The following GRIA4 variants were observed in gnomAD, a reference collection of about 807,000 sequenced individuals.
GRIA4 encodes glutamate ionotropic receptor AMPA type subunit 4, also known as glutamate receptor 4.
A neutral mutation model predicts 104.0 loss-of-function variants in GRIA4; 34 were observed. That is an observed-to-expected ratio of 0.33 (90% CI 0.25 to 0.44). The LOEUF is 0.44. Among genes scored for constraint, GRIA4 ranks in the 20% least tolerant of loss-of-function variants. GRIA4 has a pLI of 1.00. For synonymous variants in GRIA4, 386 were observed against 381.9 expected (o/e 1.01, Z -0.13); for missense variants, 750 against 1,096.5 (o/e 0.68, Z 4.46).
chr11:105,753,216 CAG>C lies in GRIA4; in HGVS notation c.484_485del (p.Arg162GlyfsTer28). The C allele has an allele frequency of 1.2e-6, 2 of 1,613,432 alleles. No individual in the cohort carries two copies. Among genetic ancestry groups the C allele is most frequent in the Non-Finnish European group, 1.7e-6 (2 of 1,179,500 alleles). The stretch of plus-strand genomic sequence containing the variant: ...GTTTTGTCTTCCTGTATGACACAGA[CAG>C]GGGTAAGTCCAGTTTCTTCATCTAT... ...NCFVFLYDTDRGYSILQAIME... is the reference protein window; with the variant it reads ...NCFVFLYDTDXGYSILQAIME... On this transcript the variant is annotated frameshift_variant and splice_region_variant, in exon 4 of 17. Transcript: ENST00000282499. LOFTEE classifies it high-confidence loss of function.
intron 3 of GRIA4, among the ~76,000 whole-genome samples, chr11:105,674,407 T>G (rs533544963): frequency 6.6e-6 from 1 of 151,750 alleles, no homozygotes; most frequent in African/African-American, 2.4e-5. Flanking sequence ...AGCTACTAGA[T>G]GATCTAGAAA....
intron 2 of GRIA4, among the ~76,000 whole-genome samples, chr11:105,612,040 A>G (rs1380094055): frequency 6.6e-6 from 1 of 152,138 alleles, no homozygotes; most frequent in Admixed American, 6.5e-5. Context: ...CATTCACTAA[A>G]TGGTCTCAGA....
intron 14 of GRIA4, among the ~76,000 whole-genome samples, chr11:105,967,847 C>T (rs558764097): frequency 2.0e-5 from 3 of 152,194 alleles, no homozygotes; most frequent in East Asian, 1.9e-4. Flanking sequence ...TAACTTAAAT[C>T]GAAATAAATT....
At chr11:105,889,045 T>C (rs1946373468) in intron 6 of GRIA4, among the ~76,000 whole-genome samples, 1 of 152,164 alleles carries the variant, frequency 6.6e-6, no homozygotes, top group South Asian at 2.1e-4. Flanking sequence ...GAGACTCTAA[T>C]GACTTTTATA....
chr11:105,610,870 C>CTTTTTTTTTTTTT (rs55973528), intron 1 of GRIA4, 38 bp from the exon 2 acceptor site: 4 of 330,396 alleles, frequency 1.2e-5, no homozygotes, highest in African/African-American at 5.3e-5. Flanking sequence ...TCTTTCTTTT[C>CTTTTTTTTTTTTT]TTTTTTTTTT....
intron 3 of GRIA4, among the ~76,000 whole-genome samples, chr11:105,667,378 G>A (rs888093399): frequency 6.6e-6 from 1 of 151,864 alleles, no homozygotes; most frequent in African/African-American, 2.4e-5. Context: ...TCAAAGACGG[G>A]CCTAATCCAT....
chr11:105,922,832 A>C (rs72980103), intron 11 of GRIA4, among the ~76,000 whole-genome samples: 1 of 152,306 alleles, frequency 6.6e-6, no homozygotes, highest in Non-Finnish European at 1.5e-5. Flanking sequence ...ATACTAATAA[A>C]ATAATTAAAA....
intron 3 of GRIA4, among the ~76,000 whole-genome samples, chr11:105,634,481 GA>G (rs953259792): frequency 1.9e-5 from 1 of 54,014 alleles, no homozygotes; most frequent in Non-Finnish European, 4.7e-5. Context: ...AAGAAAGAAA[GA>G]AAGAAAGAAA....
intron 15 of GRIA4, among the ~76,000 whole-genome samples, chr11:105,973,967 TTAATAA>T (rs1191949225): frequency 6.6e-6 from 1 of 152,146 alleles, no homozygotes; most frequent in Non-Finnish European, 1.5e-5. Flanking sequence ...ATTTTCAAAC[TTAATAA>T]TAATAAGCCC....
chr11:105,759,206 C>A (rs1243434652), intron 4 of GRIA4, among the ~76,000 whole-genome samples: 2 of 152,030 alleles, frequency 1.3e-5, no homozygotes, highest in Non-Finnish European at 2.9e-5. Flanking sequence ...AGTAATTCAT[C>A]CTTAAACTCT....
At chr11:105,830,002 C>G (rs1565269180) in intron 4 of GRIA4, among the ~76,000 whole-genome samples, 1 of 151,956 alleles carries the variant, frequency 6.6e-6, no homozygotes, top group Non-Finnish European at 1.5e-5. Flanking sequence ...AAAATCTAAG[C>G]AGTTCATAAA....
chr11:105,857,501 T>C (rs1945049536), intron 4 of GRIA4, among the ~76,000 whole-genome samples: 1 of 152,284 alleles, frequency 6.6e-6, no homozygotes, highest in Non-Finnish European at 1.5e-5. Context: ...ACAGACCTAG[T>C]CTTCTCCTTC....
chr11:105,844,784 T>C (rs1167131101), intron 4 of GRIA4, among the ~76,000 whole-genome samples: 2 of 152,210 alleles, frequency 1.3e-5, no homozygotes, highest in Admixed American at 6.5e-5. Flanking sequence ...TTAGTACTAC[T>C]ACCACTACTG....
intron 13 of GRIA4, among the ~76,000 whole-genome samples, chr11:105,928,547 CAT>C (rs145638576): frequency 0.089 from 13,536 of 151,850 alleles, 778 homozygotes; most frequent in Admixed American, 0.18. Flanking sequence ...TGCTCCCATC[CAT>C]ATAAGTAAGC....
chr11:105,864,428 C>T (rs1389265218), intron 5 of GRIA4, among the ~76,000 whole-genome samples: 2 of 152,064 alleles, frequency 1.3e-5, no homozygotes, highest in East Asian at 1.9e-4. Context: ...TTTCAAAAAA[C>T]CAACCAAAGC....
At chr11:105,886,691 A>G (rs1241749722) in intron 5 of GRIA4, among the ~76,000 whole-genome samples, 2 of 152,128 alleles carry the variant, frequency 1.3e-5, no homozygotes, top group Non-Finnish European at 2.9e-5. Context: ...TGTGGCTTTC[A>G]CTGTTATCAT....
intron 13 of GRIA4, among the ~76,000 whole-genome samples, chr11:105,928,008 CA>C (rs1947764487): frequency 6.6e-6 from 1 of 152,076 alleles, no homozygotes; most frequent in East Asian, 1.9e-4. Flanking sequence ...TGAGAGATTA[CA>C]TTTCCATTTT....
chr11:105,873,899 C>G (rs1258578), intron 5 of GRIA4, among the ~76,000 whole-genome samples: 56,945 of 151,916 alleles, frequency 0.37, 10,792 homozygotes, highest in Non-Finnish European at 0.41. Context: ...TTCTTTTGCT[C>G]TGCAGAAGCT....
intron 4 of GRIA4, among the ~76,000 whole-genome samples, chr11:105,818,646 C>T (rs1230699827): frequency 6.6e-6 from 1 of 152,144 alleles, no homozygotes; most frequent in Non-Finnish European, 1.5e-5. Flanking sequence ...AGAGCAATTA[C>T]ATGACAAATA....
Sources: allele counts gnomAD v4.1 joint callset (sites outside exome capture counted in the v4.1 genomes callset), GRCh38; gene constraint gnomAD v4.1.1; transcripts MANE v1.5; gene names NCBI Gene and HGNC (gene_info 2026-07-23, HGNC 2026-07-21).